The following POTEC variants were observed in gnomAD, a reference collection of about 807,000 sequenced individuals.
POTEC encodes the protein ANKRD26-like family B member 2.
In POTEC, 35 loss-of-function variants were observed where a neutral mutation model predicts 62.0. That is an observed-to-expected ratio of 0.56 (90% CI 0.43 to 0.75). The LOEUF is 0.75. Among genes scored for constraint, POTEC ranks in the 30% least tolerant of loss-of-function variants. POTEC has a pLI of 0.00. For missense variants in POTEC, 472 were observed against 655.9 expected (o/e 0.72, Z 3.06); for synonymous variants, 156 against 221.5 (o/e 0.70, Z 2.62).
chr18:14,528,447 G>A (rs1910495927), intron 6 of POTEC, among the ~76,000 whole-genome samples: 3 of 152,164 alleles, frequency 2.0e-5, no homozygotes, highest in African/African-American at 7.2e-5. Flanking sequence ...GAATGAGCAT[G>A]TGGTGTGACC....
At chr18:14,519,009 G>A (rs2143120567) in intron 9 of POTEC, among the ~76,000 whole-genome samples, 1 of 152,300 alleles carries the variant, frequency 6.6e-6, no homozygotes, top group Non-Finnish European at 1.5e-5. Flanking sequence ...TTAAAAACCA[G>A]GACTATCAAT....
rs1382194796 is a variant in POTEC, at chr18:14,542,693, C to T, written c.454G>A (p.Val152Ile). ...KLHRAAWWGK[V>I]PRKDLIVMLR... The stretch of plus-strand genomic sequence containing the variant: ...ATGACGATGAGATCCTTTCTGGGGA[C>T]CTTACCCCACCAGGCAGCTCTGTGG... Residue 152 changes from valine to isoleucine, a missense_variant, in exon 1 of 11, where the codon GTC becomes ATC. By Grantham distance (29) the Val-to-Ile change is conservative. Around this residue, in one of 5 missense-constraint regions of POTEC, gnomAD observed 257 missense variants for 250.7 expected, o/e 1.03. Coordinates refer to ENST00000358970, the MANE Select transcript of POTEC (RefSeq NM_001137671.2). 1 of 1,612,964 alleles carries T rather than the reference C, an allele frequency of 6.2e-7. No homozygotes were observed. Among genetic ancestry groups the T allele is most frequent in the African/African-American group, 1.3e-5 (1 of 74,852 alleles).
At chr18:14,512,847 A>G (rs1023104374) in intron 10 of POTEC, among the ~76,000 whole-genome samples, 3 of 152,214 alleles carry the variant, frequency 2.0e-5, no homozygotes, top group Non-Finnish European at 4.4e-5. Flanking sequence ...TGCTACTGCT[A>G]GTGATCCTCC....
At chr18:14,531,928 T>A (rs898881148) in intron 5 of POTEC, 2 of 151,580 alleles carry the variant, frequency 1.3e-5, no homozygotes, top group African/African-American at 4.9e-5. Flanking sequence ...GAAAATATTT[T>A]AAAATCTTGA....
chr18:14,527,287 G>A (rs1173215818), intron 6 of POTEC, among the ~76,000 whole-genome samples: 2 of 152,062 alleles, frequency 1.3e-5, no homozygotes, highest in Non-Finnish European at 2.9e-5. Context: ...TTTGTTTAAA[G>A]GAAGAACAGA....
intron 9 of POTEC, among the ~76,000 whole-genome samples, chr18:14,516,855 T>G (rs961203172): frequency 2.4e-4 from 37 of 151,772 alleles, no homozygotes; most frequent in Non-Finnish European, 5.1e-4. Context: ...TACTTTTAAA[T>G]GAGGTAAAGT....
chr18:14,537,016 T>C (rs1198812390), intron 3 of POTEC, among the ~76,000 whole-genome samples: 1 of 151,634 alleles, frequency 6.6e-6, no homozygotes, highest in Non-Finnish European at 1.5e-5. Flanking sequence ...TTACCACATA[T>C]TCACTGCCAA....
At chr18:14,522,230 T>C (rs1910330248) in intron 9 of POTEC, 24 bp downstream of exon 9, 2 of 1,591,836 alleles carry the variant, frequency 1.3e-6, no homozygotes, top group East Asian at 4.5e-5. Context: ...AGTTATCTCC[T>C]ATTAAATGTT....
chr18:14,510,471 G>C lies in POTEC; in HGVS notation c.*1427C>G, dbSNP rs1909974079. On this transcript the variant is annotated 3_prime_UTR_variant, in exon 11 of 11. Transcript: ENST00000358970. ...CTGCCCATCGAGGAGATATGGAAAT[G>C]GGCACCCACATAACAGTCTGGCCAC... is the stretch of plus-strand genomic sequence containing the variant. 6.6e-6 allele frequency: 1 copy of C among 151,744 alleles called. No individual in the cohort carries two copies. The highest frequency in any genetic ancestry group is 2.4e-5 in the African/African-American group (1 of 41,280). The allele number at this position is 151,744 out of a possible 1,614,324, so 9.4% of individuals were successfully genotyped here.
rs1476651208 is a variant in POTEC, at chr18:14,508,479, ATAC to A, written c.*3416_*3418del. On this transcript the variant is annotated 3_prime_UTR_variant, in exon 11 of 11. Transcript: ENST00000358970. ...ACAGGGCACTCTCAGGTGCCCACACATACTACAATAATATTCATAATGCAATCA... is the reference window on the plus strand; with the variant it reads ...ACAGGGCACTCTCAGGTGCCCACACATACAATAATATTCATAATGCAATCA... 4 of 152,674 alleles carry A rather than the reference ATAC, an allele frequency of 2.6e-5. No individual in the cohort carries two copies. Among genetic ancestry groups the A allele is most frequent in the African/African-American group, 7.2e-5 (3 of 41,450 alleles). The allele number at this position is 152,674 out of a possible 1,614,324, so 9.5% of individuals were successfully genotyped here. A position where few individuals can be genotyped will look rare whatever the true frequency, so the allele number is the denominator to read the frequency against.
chr18:14,524,852 A>G (rs1284872029), intron 7 of POTEC, 61 bp downstream of exon 7: 2 of 1,578,362 alleles, frequency 1.3e-6, no homozygotes, highest in Non-Finnish European at 1.7e-6. Flanking sequence ...GGACTATCTA[A>G]TATCGTTAAA....
chr18:14,534,085 C>T (rs1450181221), intron 4 of POTEC, among the ~76,000 whole-genome samples: 1 of 116,062 alleles, frequency 8.6e-6, no homozygotes, highest in Admixed American at 9.6e-5. Context: ...TCCCCCCACC[C>T]CACCACAGTC....
chr18:14,537,875 C>G lies in POTEC; in HGVS notation c.736G>C (p.Ala246Pro). The change falls in exon 3 of 11, where the codon GCT becomes CCT. Residue 246 changes from alanine (A) to proline (P), a missense_variant. Around this residue, in one of 5 missense-constraint regions of POTEC, gnomAD observed 52 missense variants for 54.2 expected, o/e 0.96. Coordinates refer to ENST00000358970, the MANE Select transcript of POTEC (RefSeq NM_001137671.2). ...DEYGNTTLHY[A>P]VHNEDKLMAK... ...ATTAATTTATCTTCATTGTGGACAG[C>G]ATAGTGTAGAGTGGTATTTCCATAC... 3.1e-6 allele frequency: 5 copies of G among 1,612,282 alleles called. No individual in the cohort carries two copies. The highest frequency in any genetic ancestry group is 4.2e-6 in the Non-Finnish European group (5 of 1,179,770).
At chr18:14,541,742 C>A (rs1905940685) in intron 1 of POTEC, among the ~76,000 whole-genome samples, 1 of 151,840 alleles carries the variant, frequency 6.6e-6, no homozygotes, top group Non-Finnish European at 1.5e-5. Context: ...ACTCCAGGAA[C>A]TTATTTTTGT....
At chr18:14,522,786 T>C (rs888140764) in intron 8 of POTEC, among the ~76,000 whole-genome samples, 1 of 151,558 alleles carries the variant, frequency 6.6e-6, no homozygotes, top group African/African-American at 2.4e-5. Context: ...TAAAACGACA[T>C]AGACACAAAA....
intron 6 of POTEC, chr18:14,528,799 A>G: frequency 2.7e-6 from 1 of 374,864 alleles, no homozygotes; most frequent in South Asian, 2.0e-5. Flanking sequence ...TTTCTATAGT[A>G]TTTAAAAAGT....
chr18:14,533,732 T>C (rs1383025920), intron 4 of POTEC, among the ~76,000 whole-genome samples: 1 of 152,190 alleles, frequency 6.6e-6, no homozygotes, highest in Non-Finnish European at 1.5e-5. Context: ...CAGCCAACTT[T>C]GAAGGATATA....
At chr18:14,533,919 T>C (rs1905616855) in intron 4 of POTEC, among the ~76,000 whole-genome samples, 3 of 151,716 alleles carry the variant, frequency 2.0e-5, no homozygotes, top group African/African-American at 7.3e-5. Context: ...TTTGTTTTTG[T>C]TTTGTTATTT....
rs1909950242 is a variant in POTEC at position 14,509,800 on chromosome 18, ACT to A, written c.*2096_*2097del. On this transcript the variant is annotated 3_prime_UTR_variant, in exon 11 of 11. Coordinates refer to ENST00000358970, the MANE Select transcript of POTEC (RefSeq NM_001137671.2). ...AGCACAGATCAGGTCTCAGAGGAGA[ACT>A]CTCTCAAAAGTGAATCCTCAGCACA... 1 of 142,594 alleles carries A rather than the reference ACT, an allele frequency of 7.0e-6. No individual in the cohort carries two copies. The highest frequency in any genetic ancestry group is 2.7e-5 in the African/African-American group (1 of 37,534). 8.8% of individuals were successfully genotyped at this position (142,594 alleles called of 1,614,324 possible). A position where few individuals can be genotyped will look rare whatever the true frequency, so the allele number is the denominator to read the frequency against.
Sources: gnomAD v4.1 joint callset for allele counts (sites outside exome capture counted in the v4.1 genomes callset) on GRCh38, gnomAD v4.1.1 for gene constraint, gnomAD v4.1.1 regional missense constraint, MANE v1.5 for transcripts, NCBI Gene and HGNC (gene_info 2026-07-23, HGNC 2026-07-21) for gene names.